The following GPR89B variants were observed in gnomAD, a reference collection of about 807,000 sequenced individuals.
GPR89B encodes the protein golgi pH regulator B, also known as G protein-coupled receptor 89B.
GPR89B carries 25 observed loss-of-function variants against 52.4 expected under a neutral mutation model. The ratio of observed to expected loss-of-function variants is 0.48; its 90% CI spans 0.35 to 0.67. The LOEUF is 0.67. Among genes scored for constraint, GPR89B ranks in the 30% least tolerant of loss-of-function variants. GPR89B has a pLI of 0.01. For synonymous variants in GPR89B, 52 were observed against 151.2 expected (o/e 0.34, Z 4.81); for missense variants, 146 against 450.2 (o/e 0.32, Z 6.11).
intron 3 of GPR89B, among the ~76,000 whole-genome samples, chr1:147,940,575 G>A (rs1206757622): frequency 6.6e-6 from 1 of 152,156 alleles, no homozygotes; most frequent in East Asian, 1.9e-4. Flanking sequence ...TCTTTCTTCT[G>A]TAAAGGGCCA....
chr1:147,996,672 TA>T, downstream of GPR89B: 2 of 1,610,850 alleles, frequency 1.2e-6, no homozygotes, highest in Admixed American at 1.7e-5. Flanking sequence ...GAAGTGGGAG[TA>T]GGAGCTGGAG....
At chr1:147,929,953 A>G (rs6593831) in intron 1 of GPR89B, among the ~76,000 whole-genome samples, 1 of 152,222 alleles carries the variant, frequency 6.6e-6, no homozygotes, top group African/African-American at 2.4e-5. Flanking sequence ...ACAACTCAGG[A>G]TTATTTTTAG....
chr1:148,018,621 C>G, the GPR89B span, among the ~76,000 whole-genome samples: 2 of 151,318 alleles, frequency 1.3e-5, no homozygotes, highest in Non-Finnish European at 2.9e-5. Context: ...TCTAATGGTT[C>G]AATGGCAGAA....
intron 10 of GPR89B, among the ~76,000 whole-genome samples, chr1:147,970,691 T>C (rs1657403187): frequency 1.3e-5 from 2 of 151,062 alleles, no homozygotes; most frequent in East Asian, 3.9e-4. Flanking sequence ...CTTGTCCTTT[T>C]TAATTATGTG....
chr1:148,024,946 C>T, the GPR89B span, among the ~76,000 whole-genome samples: 1 of 152,070 alleles, frequency 6.6e-6, no homozygotes, highest in Non-Finnish European at 1.5e-5. Context: ...GTCTAAAAAT[C>T]TTTGAGTTTT....
chr1:147,996,138 TAA>T (rs1659313759), downstream of GPR89B, among the ~76,000 whole-genome samples: 1 of 152,232 alleles, frequency 6.6e-6, no homozygotes, highest in African/African-American at 2.4e-5. Flanking sequence ...TGAAGGGGGA[TAA>T]ATAGGTCCCC....
intron 8 of GPR89B, chr1:147,967,758 G>T (rs1166414148): frequency 6.6e-6 from 1 of 152,208 alleles, no homozygotes; most frequent in Non-Finnish European, 1.5e-5. Context: ...GAAAGAAAAA[G>T]GATTAATTTA....
intron 9 of GPR89B, chr1:147,969,643 A>T: frequency 3.6e-6 from 2 of 550,914 alleles, no homozygotes; most frequent in South Asian, 4.4e-5. Context: ...AAGAGTTGTT[A>T]TGAAGATTAA....
At chr1:148,012,114 G>C in the GPR89B span, 1 of 152,054 alleles carries the variant, frequency 6.6e-6, no homozygotes, top group Non-Finnish European at 1.5e-5. Context: ...TATATTTTGA[G>C]TATAAAACGA....
chr1:147,996,198 A>G (rs1659315088), downstream of GPR89B, among the ~76,000 whole-genome samples: 1 of 152,074 alleles, frequency 6.6e-6, no homozygotes, highest in African/African-American at 2.4e-5. Flanking sequence ...ATCAGTCCCT[A>G]CAGGGTAAGG....
intron 11 of GPR89B, 143 bp downstream of exon 11, chr1:147,986,437 A>G (rs1180530934): frequency 1.2e-5 from 8 of 670,476 alleles, no homozygotes; most frequent in Admixed American, 3.1e-5. Context: ...ACGTATTCAC[A>G]TGGAAAATTT....
the GPR89B span, among the ~76,000 whole-genome samples, chr1:148,005,078 CTCAA>C: frequency 3.6e-5 from 1 of 27,730 alleles, no homozygotes; most frequent in African/African-American, 1.5e-4. Context: ...GAGACCCTGT[CTCAA>C]TCAAACAGTT....
chr1:147,931,184 A>G (rs1553246963), intron 1 of GPR89B, among the ~76,000 whole-genome samples: 1 of 152,158 alleles, frequency 6.6e-6, no homozygotes, highest in Non-Finnish European at 1.5e-5. Context: ...AGGGTGAATA[A>G]ATGATCCAAG....
the GPR89B span, among the ~76,000 whole-genome samples, chr1:148,015,175 T>C: frequency 6.7e-6 from 1 of 149,060 alleles, no homozygotes; most frequent in East Asian, 2.0e-4. Flanking sequence ...GCTGGCAACT[T>C]TCTTCTACCC....
At chr1:148,021,375 A>G in the GPR89B span, among the ~76,000 whole-genome samples, 12 of 151,896 alleles carry the variant, frequency 7.9e-5, no homozygotes, top group South Asian at 2.1e-4. Context: ...GGTGGCTGGC[A>G]CCTGTAATCC....
chr1:148,017,531 G>C, the GPR89B span, among the ~76,000 whole-genome samples: 1 of 149,132 alleles, frequency 6.7e-6, no homozygotes, highest in Non-Finnish European at 1.5e-5. Context: ...TCAGGAGATC[G>C]AGACCATCCT....
chr1:148,017,161 C>A, the GPR89B span, among the ~76,000 whole-genome samples: 5 of 151,746 alleles, frequency 3.3e-5, no homozygotes, highest in African/African-American at 1.2e-4. Flanking sequence ...CCTGCTTCAG[C>A]CTCCAGAGTA....
chr1:148,018,269 A>C, the GPR89B span, among the ~76,000 whole-genome samples: 1 of 144,376 alleles, frequency 6.9e-6, no homozygotes, highest in Non-Finnish European at 1.5e-5. Context: ...ATACAAAAAA[A>C]ATAGCCAGGC....
chr1:147,961,394 C>T (rs1193627461), intron 7 of GPR89B, among the ~76,000 whole-genome samples: 17 of 149,454 alleles, frequency 1.1e-4, no homozygotes, highest in African/African-American at 3.7e-4. Context: ...TGCTAAAAGG[C>T]AAAAGTAAAG....
Sources: allele counts gnomAD v4.1 joint callset (sites outside exome capture counted in the v4.1 genomes callset), GRCh38; gene constraint gnomAD v4.1.1; transcripts MANE v1.5; gene names NCBI Gene and HGNC (gene_info 2026-07-23, HGNC 2026-07-21).